The following RBM12B variants were observed in gnomAD, a reference collection of about 807,000 sequenced individuals.
RBM12B encodes the protein RNA-binding protein 12B.
Under a neutral mutation model 34.3 loss-of-function variants are expected in RBM12B, and 10 were observed. The observed-to-expected ratio is 0.29, with a 90% confidence interval of 0.18 to 0.49. RBM12B has a LOEUF of 0.49. Among genes scored for constraint, RBM12B ranks in the 20% least tolerant of loss-of-function variants. The pLI is 0.99. For missense variants in RBM12B, 1,139 were observed against 1,262.7 expected (o/e 0.90, Z 1.48); for synonymous variants, 477 against 437.1 (o/e 1.09, Z -1.14).
Position 93,736,296 on chromosome 8 carries a change from C to A in RBM12B, c.115G>T (p.Glu39Ter). 1 of 1,614,078 alleles carries A rather than the reference C, an allele frequency of 6.2e-7. No individual in the cohort carries two copies. Among genetic ancestry groups the A allele is most frequent in the South Asian group, 1.1e-5 (1 of 91,080 alleles). ...PDGGVHIIGG[E>*]IGEAFIIFAT... Reference sequence around the variant, plus strand: ...AAAATAATAAAAGCCTCCCCAATTTCCCCTCCAATTATATGCACTCCTCCA... The same window carrying A: ...AAAATAATAAAAGCCTCCCCAATTTACCCTCCAATTATATGCACTCCTCCA... The change falls in exon 4 of 4, where the codon GAA (glutamate) becomes TAA (stop). Residue 39 changes from glutamate (E) to a stop codon, truncating the protein, a stop_gained. Transcript: ENST00000520560. LOFTEE classifies it high-confidence loss of function.
chr8:93,734,819 A>G lies in RBM12B; in HGVS notation c.1592T>C (p.Leu531Pro). Residue 531 changes from leucine (L) to proline (P), a missense_variant, in exon 4 of 4, where the codon CTA (leucine) becomes CCA (proline). By Grantham distance (98) the Leu-to-Pro change is moderately conservative. This residue lies in a region of RBM12B where 863 missense variants were observed against 869.5 expected (regional missense o/e 0.99). Transcript: ENST00000520560. Reference sequence around the variant, plus strand: ...GTTATCCAGTTGCCTCAAGTCCTCTAGCTGATGTCTAAAGTTTTCAAAAGC... The same window carrying G: ...GTTATCCAGTTGCCTCAAGTCCTCTGGCTGATGTCTAAAGTTTTCAAAAGC... ...VGAFENFRHQ[L>P]EDLRQLDNFK... 6.2e-7 allele frequency: 1 copy of G among 1,614,136 alleles called. No individual in the cohort carries two copies. Among genetic ancestry groups the G allele is most frequent in the South Asian group, 1.1e-5 (1 of 91,082 alleles).
At chr8:93,736,518 G>A in intron 3 of RBM12B, 80 bp from the exon 4 acceptor site, 1 of 1,075,370 alleles carries the variant, frequency 9.3e-7, no homozygotes, top group Non-Finnish European at 1.3e-6. Flanking sequence ...TAATTACCTG[G>A]TTCCTGCTTT....
At chr8:93,737,603 A>G (rs1812059574) in intron 2 of RBM12B, among the ~76,000 whole-genome samples, 1 of 151,834 alleles carries the variant, frequency 6.6e-6, no homozygotes, top group Admixed American at 6.5e-5. Flanking sequence ...CCGAAAATTT[A>G]ACAACTGCTC....
At position 93,731,734 on chromosome 8, in the gene RBM12B, C is replaced by A. The variant is rs1348891683; in HGVS notation, c.*1671G>T. ...GTATTATTTACTCAATGGGGAAAAT[C>A]TGGATTACAGAACTGAGGAAAATTA... On this transcript the variant is annotated 3_prime_UTR_variant, in exon 4 of 4. Transcript: ENST00000520560. 22 of 152,528 alleles carry A rather than the reference C, an allele frequency of 1.4e-4. No homozygotes were observed. The highest frequency in any genetic ancestry group is 1.4e-3 in the Admixed American group (22 of 15,274). 9.4% of individuals were successfully genotyped at this position (152,528 alleles called of 1,614,324 possible).
In RBM12B at chr8:93,733,330, C is replaced by G; in HGVS notation, c.*75G>C. The stretch of plus-strand genomic sequence containing the variant: ...TTCATTAGATAATTTAAAAAAAAAA[C>G]ACTTTTTTAAAACAAATGTATTTTA... On this transcript the variant is annotated 3_prime_UTR_variant, in exon 4 of 4. Transcript: ENST00000520560. 3 of 1,152,912 alleles carry G rather than the reference C, an allele frequency of 2.6e-6. No individual in the cohort carries two copies. Among genetic ancestry groups the G allele is most frequent in the Non-Finnish European group, 3.4e-6 (3 of 870,256 alleles). The allele number at this position is 1,152,912 out of a possible 1,614,324, so 71.4% of individuals were successfully genotyped here. A position where few individuals can be genotyped will look rare whatever the true frequency, so the allele number is the denominator to read the frequency against.
intron 2 of RBM12B, among the ~76,000 whole-genome samples, chr8:93,737,638 G>A (rs1205296788): frequency 6.6e-6 from 1 of 152,094 alleles, no homozygotes; most frequent in East Asian, 1.9e-4. Flanking sequence ...CACGAAGAAA[G>A]GAGTGATGGA....
At position 93,734,133 on chromosome 8, in the gene RBM12B, G is replaced by A; in HGVS notation, c.2278C>T (p.Pro760Ser). 6.4e-7 allele frequency: 1 copy of A among 1,561,358 alleles called. No individual in the cohort carries two copies. The highest frequency in any genetic ancestry group is 8.7e-7 in the Non-Finnish European group (1 of 1,155,998). ...GGGGGTGGCCGCCTGAAGTGCTCTG[G>A]GGGTGGCCGCCGGAAGTGCTCTGGG... ...PPPEHFRRPP[P>S]EHFRRPPPEH... The change falls in exon 4 of 4, where the codon CCA (proline) becomes TCA (serine). Residue 760 changes from proline to serine, a missense_variant. By Grantham distance (74) the Pro-to-Ser change is moderately conservative (BLOSUM62 -1). Transcript: ENST00000520560.
chr8:93,734,869 T>C lies in RBM12B; in HGVS notation c.1542A>G (p.Lys514=), dbSNP rs1811962113. The change falls in exon 4 of 4, where the codon AAA becomes AAG. Residue 514 remains lysine (K), a synonymous_variant. Transcript: ENST00000520560. ...CACCAACTGAGTATATTGGTGGGTC[T>C]TTTGAGTCAAATAAATGGGAATGGT... ...RGDHSHLFDS[K]DPPIYSVGAF... is the part of the protein sequence containing the mutation. The C allele has an allele frequency of 6.2e-7, 1 of 1,614,078 alleles. No homozygotes were observed. Among genetic ancestry groups the C allele is most frequent in the Admixed American group, 1.7e-5 (1 of 60,012 alleles).
At position 93,734,207 on chromosome 8, in the gene RBM12B, G is replaced by C. The variant is rs1811915905; in HGVS notation, c.2204C>G (p.Pro735Arg). The C allele has an allele frequency of 1.3e-6, 2 of 1,592,694 alleles. No homozygotes were observed. The highest frequency in any genetic ancestry group is 4.5e-5 in the East Asian group (2 of 44,574). ...AGGTGGTCTCCGGAAATGCTCTGGG[G>C]GTGGCCGACGGAAATGCTCCTGAGG... is the stretch of plus-strand genomic sequence containing the variant. ...RPPQEHFRRP[P>R]PEHFRRPPPE... Residue 735 changes from proline (P) to arginine (R), a missense_variant, in exon 4 of 4, where the codon CCC becomes CGC. Physicochemically the swap from Pro to Arg is moderately radical, Grantham distance 103 (BLOSUM62 -2). Around this residue, in one of 3 missense-constraint regions of RBM12B, gnomAD observed 863 missense variants for 869.5 expected, o/e 0.99. Transcript: ENST00000520560.
chr8:93,739,629 C>T (rs1002509829), intron 2 of RBM12B, among the ~76,000 whole-genome samples: 1 of 152,292 alleles, frequency 6.6e-6, no homozygotes, highest in African/African-American at 2.4e-5. Flanking sequence ...CTAAATTACA[C>T]AAAAGCAAAA....
rs778822708 is a variant in RBM12B at position 93,735,877 on chromosome 8, C to A, written c.534G>T (p.Leu178Phe). 1 of 1,614,066 alleles carries A rather than the reference C, an allele frequency of 6.2e-7. No homozygotes were observed. Among genetic ancestry groups the A allele is most frequent in the East Asian group, 2.2e-5 (1 of 44,878 alleles). Residue 178 changes from leucine to phenylalanine, a missense_variant, in exon 4 of 4, where the codon TTG (leucine) becomes TTT (phenylalanine). Transcript: ENST00000520560. ...TTAAGAAAATTACTCCATCCACGCA[C>A]AAACCAGAGAAAAAGACACGTACAT... is the stretch of plus-strand genomic sequence containing the variant. ...EDDVRVFFSG[L>F]CVDGVIFLKH... is the part of the protein sequence containing the mutation.
chr8:93,729,946 T>G lies in RBM12B; in HGVS notation c.*3459A>C, dbSNP rs1456124089. 1.3e-5 allele frequency: 2 copies of G among 152,166 alleles called. No individual in the cohort carries two copies. The highest frequency in any genetic ancestry group is 2.9e-5 in the Non-Finnish European group (2 of 68,020). 9.4% of individuals were successfully genotyped at this position (152,166 alleles called of 1,614,324 possible). A position where few individuals can be genotyped will look rare whatever the true frequency, so the allele number is the denominator to read the frequency against. On this transcript the variant is annotated 3_prime_UTR_variant, in exon 4 of 4. Transcript: ENST00000520560. ...GCTTGGGACCAGAAGTATTTAAGAC[T>G]TTGGATTTCTTCAGATTTTGGAGTA...
chr8:93,740,539 ACACTT>A, intron 2 of RBM12B, 85 bp downstream of exon 2: 1 of 456,690 alleles, frequency 2.2e-6, no homozygotes. Context: ...CTAACTGAAA[ACACTT>A]GCCCTTCTCA....
At chr8:93,740,503 C>A in intron 2 of RBM12B, 126 bp downstream of exon 2, 1 of 457,256 alleles carries the variant, frequency 2.2e-6, no homozygotes, top group South Asian at 1.5e-5. Flanking sequence ...CACCCTAACT[C>A]GCCAGAGGGT....
At position 93,728,294 on chromosome 8, in the gene RBM12B, G is replaced by A; in HGVS notation, c.*5111C>T. The A allele has an allele frequency of 6.4e-7, 1 of 1,564,716 alleles. No individual in the cohort carries two copies. The highest frequency in any genetic ancestry group is 1.2e-5 in the South Asian group (1 of 84,388). Reference sequence around the variant, plus strand: ...TTACAGAAGAAGAAAATTTTCTTAAGTAAACTACACATTTCCATTTTCATC... The same window carrying A: ...TTACAGAAGAAGAAAATTTTCTTAAATAAACTACACATTTCCATTTTCATC... On this transcript the variant is annotated 3_prime_UTR_variant, in exon 4 of 4. Transcript: ENST00000520560.
chr8:93,733,909 A>G lies in RBM12B; in HGVS notation c.2502T>C (p.Asp834=), dbSNP rs201994012. 440 of 1,612,550 alleles carry G rather than the reference A, an allele frequency of 2.7e-4. No homozygotes were observed. Among genetic ancestry groups the G allele is most frequent in the Non-Finnish European group, 3.5e-4 (417 of 1,179,586 alleles). ...DEDFRSPQEE[D]FRCPSDEDFR... is the part of the protein sequence containing the mutation. Reference sequence around the variant, plus strand: ...AGTCCTCATCAGAAGGGCATCTAAAATCTTCCTCCTGGGGGCTCCTGAAGT... The same window carrying G: ...AGTCCTCATCAGAAGGGCATCTAAAGTCTTCCTCCTGGGGGCTCCTGAAGT... The change falls in exon 4 of 4, where the codon GAT becomes GAC. Residue 834 remains aspartate (D), a synonymous_variant. Coordinates refer to ENST00000520560, the MANE Select transcript of RBM12B (RefSeq NM_001377960.1).
At position 93,730,910 on chromosome 8, in the gene RBM12B, A is replaced by G. The variant is rs947594569; in HGVS notation, c.*2495T>C. 3.9e-5 allele frequency: 6 copies of G among 152,250 alleles called. No individual in the cohort carries two copies. Among genetic ancestry groups the G allele is most frequent in the African/African-American group, 1.4e-4 (6 of 41,458 alleles). 9.4% of individuals were successfully genotyped at this position (152,250 alleles called of 1,614,324 possible). On this transcript the variant is annotated 3_prime_UTR_variant, in exon 4 of 4. Transcript: ENST00000520560. Reference sequence around the variant, plus strand: ...ACAGTGGCTCACACCTGTAATCCCAACACATTCTGGGAGACCAAGGAGTGA... The same window carrying G: ...ACAGTGGCTCACACCTGTAATCCCAGCACATTCTGGGAGACCAAGGAGTGA...
intron 2 of RBM12B, chr8:93,740,254 T>G (rs1458842980): frequency 2.2e-6 from 1 of 454,816 alleles, no homozygotes; most frequent in Non-Finnish European, 4.4e-6. Flanking sequence ...CGAATCCACA[T>G]GGCACAGGAT....
At position 93,732,332 on chromosome 8, in the gene RBM12B, T is replaced by G. The variant is rs114585058; in HGVS notation, c.*1073A>C. The stretch of plus-strand genomic sequence containing the variant: ...GGGTATAGAAAATCAAATTCCCTAG[T>G]TGCAAAATGTATGCACTAAATGCTG... On this transcript the variant is annotated 3_prime_UTR_variant, in exon 4 of 4. Coordinates refer to ENST00000520560, the MANE Select transcript of RBM12B (RefSeq NM_001377960.1). 2.2e-4 allele frequency: 33 copies of G among 152,206 alleles called. No homozygotes were observed. The highest frequency in any genetic ancestry group is 8.0e-4 in the African/African-American group (33 of 41,442). 9.4% of individuals were successfully genotyped at this position (152,206 alleles called of 1,614,324 possible). A position where few individuals can be genotyped will look rare whatever the true frequency, so the allele number is the denominator to read the frequency against.
Sources: allele counts gnomAD v4.1 joint callset (sites outside exome capture counted in the v4.1 genomes callset), GRCh38; gene constraint gnomAD v4.1.1; regional missense constraint gnomAD v4.1.1; transcripts MANE v1.5; gene names NCBI Gene and HGNC (gene_info 2026-07-23, HGNC 2026-07-21).